Variants in RHOH observed in about 807,000 individuals in gnomAD.
RHOH encodes ras homolog family member H.
Under a neutral mutation model 13.8 loss-of-function variants are expected in RHOH, and 6 were observed. The ratio of observed to expected loss-of-function variants is 0.44; its 90% CI spans 0.24 to 0.86. RHOH has a LOEUF of 0.86. Ranked by LOEUF, RHOH falls within the 40% of genes least tolerant of loss-of-function variation. RHOH has a pLI of 0.24. For missense variants in RHOH, 147 were observed against 244.5 expected (o/e 0.60, Z 2.66); for synonymous variants, 117 against 103.0 (o/e 1.14, Z -0.82).
At chr4:40,212,460 C>G (rs754535254) in intron 1 of RHOH, among the ~76,000 whole-genome samples, 6 of 152,174 alleles carry the variant, frequency 3.9e-5, no homozygotes, top group Non-Finnish European at 7.3e-5. Context: ...TCAACGAGGG[C>G]TTGCACTTAG....
At chr4:40,199,587 C>T (rs1158585473) in intron 1 of RHOH, among the ~76,000 whole-genome samples, 1 of 152,166 alleles carries the variant, frequency 6.6e-6, no homozygotes, top group Non-Finnish European at 1.5e-5. Flanking sequence ...TTGTGGGCCT[C>T]CTTGGTTGAC....
chr4:40,201,756 A>G (rs1205795434), intron 1 of RHOH, among the ~76,000 whole-genome samples: 1 of 152,130 alleles, frequency 6.6e-6, no homozygotes, highest in East Asian at 1.9e-4. Flanking sequence ...GACGATATGT[A>G]TCAAGAGCCA....
At chr4:40,196,304 C>T (rs1723126722), upstream of RHOH, among the ~76,000 whole-genome samples, 1 of 152,184 alleles carries the variant, frequency 6.6e-6, no homozygotes, top group Admixed American at 6.5e-5. Context: ...GTTGTGACCA[C>T]ATCACAAAAG....
At chr4:40,220,170 C>T (rs980670481) in intron 1 of RHOH, among the ~76,000 whole-genome samples, 2 of 152,074 alleles carry the variant, frequency 1.3e-5, no homozygotes, top group Admixed American at 6.6e-5. Flanking sequence ...CTCCAAATAC[C>T]CACGTGCACA....
chr4:40,196,331 A>G (rs563099306), upstream of RHOH, among the ~76,000 whole-genome samples: 3 of 152,346 alleles, frequency 2.0e-5, no homozygotes, highest in Non-Finnish European at 2.9e-5. Context: ...TTGTTGGGTT[A>G]GGCGTTTAGC....
upstream of RHOH, among the ~76,000 whole-genome samples, chr4:40,194,383 C>T (rs1373747162): frequency 3.9e-5 from 6 of 152,002 alleles, no homozygotes; most frequent in South Asian, 2.1e-4. Flanking sequence ...CATGAGCTAC[C>T]GTGCCTGGCT....
intron 1 of RHOH, chr4:40,205,948 T>A (rs1009946854): frequency 6.6e-6 from 1 of 152,236 alleles, no homozygotes; most frequent in African/African-American, 2.4e-5. Context: ...TTCATGTCTA[T>A]AACCATTTTA....
At chr4:40,242,903 T>C in intron 2 of RHOH, 69 bp downstream of exon 2, 1 of 160,290 alleles carries the variant, frequency 6.2e-6, no homozygotes, top group Non-Finnish European at 1.4e-5. Context: ...CTTGAGTGAT[T>C]TTACAGATAA....
In RHOH at chr4:40,233,943, A is replaced by ATAAAATAAAATAAAG. The variant is rs1222777290; in HGVS notation, c.-330-8757_-330-8756insGTAAAATAAAATAAA. The stretch of plus-strand genomic sequence containing the variant: ...TCCCTCTCAAATAAAATAAAATAAA[A>ATAAAATAAAATAAAG]TAAAATAAAATAAAATAAAATGAAA... On this transcript the variant is annotated intron_variant, in intron 1 of 2. Coordinates refer to ENST00000381799, the MANE Select transcript of RHOH (RefSeq NM_004310.5). Among the ~76,000 whole-genome samples, 49 of 151,658 alleles carry ATAAAATAAAATAAAG rather than the reference A, an allele frequency of 3.2e-4. 1 individual carries two copies. Among genetic ancestry groups the ATAAAATAAAATAAAG allele is most frequent in the Admixed American group, 3.2e-3 (48 of 15,166 alleles).
At position 40,197,160 on chromosome 4, in the gene RHOH, G is replaced by A. The variant is rs1310603837; in HGVS notation, c.-471G>A. The A allele has an allele frequency of 6.6e-6, 1 of 152,210 alleles. No individual in the cohort carries two copies. The highest frequency in any genetic ancestry group is 2.4e-5 in the African/African-American group (1 of 41,440). The allele number at this position is 152,210 out of a possible 1,614,324, so 9.4% of individuals were successfully genotyped here. On this transcript the variant is annotated 5_prime_UTR_variant, in exon 1 of 3. Transcript: ENST00000381799. ...ATCAGTTAATATTCTCGGGAACGAG[G>A]GAGAGGTTGATCCTATGAGGAAATC...
chr4:40,216,351 C>G (rs971761185), intron 1 of RHOH, among the ~76,000 whole-genome samples: 6 of 151,882 alleles, frequency 4.0e-5, no homozygotes, highest in Non-Finnish European at 7.4e-5. Flanking sequence ...TGCCTGTAAT[C>G]CCAGCTACTC....
chr4:40,207,297 T>C (rs555929128), intron 1 of RHOH, among the ~76,000 whole-genome samples: 2 of 152,288 alleles, frequency 1.3e-5, no homozygotes, highest in African/African-American at 2.4e-5. Flanking sequence ...CCTAATGTGA[T>C]AGAAATACAG....
At chr4:40,191,682 G>A (rs1041766919), upstream of RHOH, among the ~76,000 whole-genome samples, 1 of 152,084 alleles carries the variant, frequency 6.6e-6, no homozygotes, top group African/African-American at 2.4e-5. Flanking sequence ...GCAATAAAAC[G>A]AACCAGGATG....
chr4:40,214,906 G>A (rs925570834), intron 1 of RHOH, among the ~76,000 whole-genome samples: 1 of 152,168 alleles, frequency 6.6e-6, no homozygotes, highest in Admixed American at 6.5e-5. Context: ...TCCCCGTGGG[G>A]AAAGAATACA....
In RHOH at chr4:40,208,169, T is replaced by C. The variant is rs115884111; in HGVS notation, c.-331+10869T>C. On this transcript the variant is annotated intron_variant, in intron 1 of 2. Transcript: ENST00000381799. ...GGAGGACTAAAATGATCATACTCTT[T>C]TTATTTCCCTACAATCAATCGAGCT... 2.4e-3 allele frequency among the ~76,000 whole-genome samples: 369 copies of C among 152,336 alleles called. 1 individual carries two copies. Among genetic ancestry groups the C allele is most frequent in the African/African-American group, 8.5e-3 (355 of 41,580 alleles).
At chr4:40,223,466 CTTTTTTT>C (rs36119984) in intron 1 of RHOH, among the ~76,000 whole-genome samples, 2 of 94,472 alleles carry the variant, frequency 2.1e-5, no homozygotes, top group African/African-American at 7.9e-5. Context: ...TGATTGTTAG[CTTTTTTT>C]TTTTTTTTTT....
chr4:40,212,965 A>G (rs1673379858), intron 1 of RHOH, among the ~76,000 whole-genome samples: 1 of 152,196 alleles, frequency 6.6e-6, no homozygotes, highest in South Asian at 2.1e-4. Flanking sequence ...CCCTAAACTG[A>G]GTCCCTAATA....
intron 1 of RHOH, among the ~76,000 whole-genome samples, chr4:40,198,687 C>T (rs1467938049): frequency 6.6e-6 from 1 of 152,174 alleles, no homozygotes; most frequent in Non-Finnish European, 1.5e-5. Context: ...AAGACCTCCA[C>T]CTCTGGTTTC....
rs140024860 is a variant in RHOH at position 40,218,284 on chromosome 4, C to T, written c.-331+20984C>T. ...TGAGCTGGTGGTTTCTCCAAGCTTC[C>T]GAGAGCTCTCTCAGGTATTTATTAT... On this transcript the variant is annotated intron_variant, in intron 1 of 2. Transcript: ENST00000381799. This position sits in a 1 kb window ranked among gnomAD's most constrained non-coding sequence, Gnocchi z 4.1. 3 of 152,284 alleles carry T rather than the reference C, an allele frequency of 2.0e-5. No homozygotes were observed. Among genetic ancestry groups the T allele is most frequent in the African/African-American group, 2.4e-5 (1 of 41,538 alleles). The allele number at this position is 152,284 out of a possible 1,614,324, so 9.4% of individuals were successfully genotyped here.
Sources: gnomAD v4.1 joint callset for allele counts (sites outside exome capture counted in the v4.1 genomes callset) on GRCh38, gnomAD v4.1.1 for gene constraint, Gnocchi (gnomAD v3.1) non-coding constraint, MANE v1.5 for transcripts, NCBI Gene and HGNC (gene_info 2026-07-23, HGNC 2026-07-21) for gene names.